Variants in PDE4D observed in about 807,000 individuals in gnomAD.
PDE4D encodes phosphodiesterase 4D, also known as 3',5'-cyclic-AMP phosphodiesterase 4D.
PDE4D carries 24 observed loss-of-function variants against 87.4 expected under a neutral mutation model. The ratio of observed to expected loss-of-function variants is 0.27; its 90% CI spans 0.20 to 0.39. PDE4D has a LOEUF of 0.39. Among genes scored for constraint, PDE4D ranks in the 10% least tolerant of loss-of-function variants. The pLI is 1.00. For synonymous variants in PDE4D, 384 were observed against 383.2 expected, an observed-to-expected ratio of 1.00 and a Z score of -0.02; for missense variants, 714 against 1,041.0, an observed-to-expected ratio of 0.69 and a Z score of 4.32.
intron 3 of PDE4D, among the ~76,000 whole-genome samples, chr5:59,983,907 T>C (rs559642368): frequency 2.6e-5 from 4 of 152,312 alleles, no homozygotes; most frequent in East Asian, 3.9e-4. Context: ...TAAGTGTACA[T>C]AGCAGCTTCA....
intron 1 of PDE4D, among the ~76,000 whole-genome samples, chr5:59,722,085 C>G (rs1474140575): frequency 6.6e-6 from 1 of 152,132 alleles, no homozygotes; most frequent in Non-Finnish European, 1.5e-5. Context: ...GCAGAAGACA[C>G]TACTCAGAAC....
chr5:59,071,763 T>C (rs1225841338), intron 5 of PDE4D, among the ~76,000 whole-genome samples: 2 of 136,642 alleles, frequency 1.5e-5, no homozygotes, highest in Non-Finnish European at 3.1e-5. Context: ...GTTGGCTCAC[T>C]GCAACCTCCA....
chr5:59,117,680 T>A (rs1181817424), intron 5 of PDE4D, among the ~76,000 whole-genome samples: 1 of 152,168 alleles, frequency 6.6e-6, no homozygotes, highest in Non-Finnish European at 1.5e-5. Context: ...TGGAACTGGA[T>A]CTTGTTAAGT....
intron 1 of PDE4D, among the ~76,000 whole-genome samples, chr5:60,203,453 T>C (rs774659940): frequency 6.6e-5 from 10 of 152,198 alleles, no homozygotes; most frequent in Non-Finnish European, 1.5e-4. Context: ...CCCATTTCTG[T>C]ACTATGCCTC....
intron 1 of PDE4D, among the ~76,000 whole-genome samples, chr5:60,349,948 A>G (rs1040418419): frequency 2.0e-5 from 3 of 152,172 alleles, no homozygotes; most frequent in Non-Finnish European, 2.9e-5. Flanking sequence ...TTCAGATAAC[A>G]ACATCAATGA....
At chr5:59,055,430 C>A (rs913734135) in intron 5 of PDE4D, among the ~76,000 whole-genome samples, 15 of 152,154 alleles carry the variant, frequency 9.9e-5, no homozygotes, top group African/African-American at 3.6e-4. Context: ...ATAAAATCTA[C>A]CTCCTTAGAC....
At chr5:60,052,460 C>A (rs1770284768) in intron 2 of PDE4D, among the ~76,000 whole-genome samples, 1 of 152,086 alleles carries the variant, frequency 6.6e-6, no homozygotes, top group African/African-American at 2.4e-5. Context: ...TCAATAGATG[C>A]AGAAAAGGCC....
At chr5:60,215,346 T>TA (rs1379695064) in intron 1 of PDE4D, among the ~76,000 whole-genome samples, 2 of 152,122 alleles carry the variant, frequency 1.3e-5, no homozygotes. Flanking sequence ...TGCAATGGGA[T>TA]AAAAAACTAT....
chr5:60,441,953 A>T (rs450407), intron 1 of PDE4D, among the ~76,000 whole-genome samples: 16,941 of 152,168 alleles, frequency 0.11, 1,467 homozygotes, highest in East Asian at 0.43. Flanking sequence ...GATGCTGGAG[A>T]GGATGTGGAG....
intron 1 of PDE4D, among the ~76,000 whole-genome samples, chr5:60,193,512 T>C (rs935584276): frequency 4.7e-5 from 7 of 150,310 alleles, no homozygotes; most frequent in Non-Finnish European, 1.0e-4. Flanking sequence ...CTACTAAAAA[T>C]ACAAAAAATT....
At chr5:59,824,443 C>T (rs929353664) in intron 1 of PDE4D, among the ~76,000 whole-genome samples, 3 of 152,144 alleles carry the variant, frequency 2.0e-5, no homozygotes, top group Non-Finnish European at 2.9e-5. Context: ...TTCACTGCAG[C>T]ATCCCTTATG....
In PDE4D at chr5:59,951,173, T is replaced by C. The variant is rs145962376; in HGVS notation, c.272+37315A>G. 5.6e-3 allele frequency among the ~76,000 whole-genome samples: 851 copies of C among 152,236 alleles called. 7 individuals carry two copies. Among genetic ancestry groups the C allele is most frequent in the African/African-American group, 0.02 (811 of 41,554 alleles). On this transcript the variant is annotated intron_variant, in intron 3 of 16. Transcript: ENST00000502484. ...GATAGTAAATAGAAGAAAAAAGAACTAAGGAATATTTCTTTGGGATTATAA... is the reference window on the plus strand; with the variant it reads ...GATAGTAAATAGAAGAAAAAAGAACCAAGGAATATTTCTTTGGGATTATAA...
At chr5:60,520,331 A>C (rs1235753710) in intron 1 of PDE4D, among the ~76,000 whole-genome samples, 1 of 152,138 alleles carries the variant, frequency 6.6e-6, no homozygotes, top group South Asian at 2.1e-4. Context: ...AACATGGACT[A>C]CTAACCCCAC....
intron 1 of PDE4D, among the ~76,000 whole-genome samples, chr5:60,479,124 A>T (rs1748539008): frequency 6.6e-6 from 1 of 152,122 alleles, no homozygotes; most frequent in South Asian, 2.1e-4. Flanking sequence ...TTTTCTGTAC[A>T]CTATGCTTCT....
At chr5:60,257,873 C>G (rs1749258289) in intron 1 of PDE4D, among the ~76,000 whole-genome samples, 2 of 151,948 alleles carry the variant, frequency 1.3e-5, no homozygotes, top group Non-Finnish European at 2.9e-5. Context: ...CACAGACAAG[C>G]TGTTATCAAT....
intron 11 of PDE4D, among the ~76,000 whole-genome samples, chr5:58,981,448 ATAAAG>A (rs1745125607): frequency 2.0e-5 from 3 of 150,190 alleles, no homozygotes; most frequent in African/African-American, 7.4e-5. Context: ...AAATACTAAT[ATAAAG>A]TTAATACCTC....
chr5:60,332,126 A>C (rs560898146), intron 1 of PDE4D, among the ~76,000 whole-genome samples: 1 of 152,320 alleles, frequency 6.6e-6, no homozygotes, highest in South Asian at 2.1e-4. Context: ...GACAACTTAG[A>C]GGTGGAAAAA....
At chr5:59,260,430 T>C (rs1026875413) in intron 1 of PDE4D, among the ~76,000 whole-genome samples, 1 of 151,850 alleles carries the variant, frequency 6.6e-6, no homozygotes, top group African/African-American at 2.4e-5. Context: ...CAAGATTGCA[T>C]GTGTAGTTAC....
At chr5:59,555,737 A>G (rs918924793) in intron 1 of PDE4D, among the ~76,000 whole-genome samples, 8 of 152,142 alleles carry the variant, frequency 5.3e-5, no homozygotes, top group Non-Finnish European at 7.3e-5. Flanking sequence ...AGCAAACAGC[A>G]TCACTGACAC....
Sources: gnomAD v4.1 joint callset for allele counts (sites outside exome capture counted in the v4.1 genomes callset) on GRCh38, gnomAD v4.1.1 for gene constraint, MANE v1.5 for transcripts, NCBI Gene and HGNC (gene_info 2026-07-23, HGNC 2026-07-21) for gene names.